The following ACOT11 variants were observed in gnomAD, a reference collection of about 807,000 sequenced individuals.
ACOT11 encodes the protein acyl-CoA thioesterase 11, also known as acyl-coenzyme A thioesterase 11.
In ACOT11, 69 loss-of-function variants were observed where a neutral mutation model predicts 77.5. The observed-to-expected ratio is 0.89, with a 90% CI of 0.73 to 1.09. The LOEUF is 1.09. Ranked by LOEUF, ACOT11 falls within the 50% of genes least tolerant of loss-of-function variation. ACOT11 has a pLI of 0.00. For missense variants in ACOT11, 766 were observed against 813.7 expected (o/e 0.94, Z 0.71); for synonymous variants, 279 against 313.0 (o/e 0.89, Z 1.15).
intron 1 of ACOT11, among the ~76,000 whole-genome samples, chr1:54,562,557 C>T (rs1377085142): frequency 5.7e-5 from 8 of 139,898 alleles, no homozygotes; most frequent in East Asian, 2.1e-4. Flanking sequence ...CCACCCCCCA[C>T]CTCCCTCCCG....
chr1:54,572,877 G>C, intron 1 of ACOT11: 1 of 966,550 alleles, frequency 1.0e-6, no homozygotes, highest in African/African-American at 1.8e-5. Flanking sequence ...TTCTGCACCT[G>C]AGAGAGGCCT....
exon 17 of ACOT11, chr1:54,635,731 T>C (rs761298210): frequency 2.6e-5 from 4 of 155,018 alleles, no homozygotes; most frequent in Non-Finnish European, 5.7e-5. Flanking sequence ...AGTCTGCAGA[T>C]GCGGATCCCG....
chr1:54,629,058 CAA>C (rs768933265), intron 15 of ACOT11, among the ~76,000 whole-genome samples: 12 of 36,016 alleles, frequency 3.3e-4, no homozygotes, highest in Middle Eastern at 0.021. Flanking sequence ...GACTCCGTCT[CAA>C]AAAAAAAAAA....
At position 54,610,133 on chromosome 1, in the gene ACOT11, G is replaced by A. The variant is rs1644100403; in HGVS notation, c.*1021G>A. Reference sequence around the variant, plus strand: ...TGTGCCTGGTGCATGAGAAACTCTTGTTTCAGCTCTTGGCCTTTACCCATG... The same window carrying A: ...TGTGCCTGGTGCATGAGAAACTCTTATTTCAGCTCTTGGCCTTTACCCATG... On this transcript the variant is annotated 3_prime_UTR_variant, in exon 16 of 16. Coordinates refer to ENST00000343744, the MANE Select transcript of ACOT11 (RefSeq NM_147161.4). 1 of 1,433,208 alleles carries A rather than the reference G, an allele frequency of 7.0e-7. No homozygotes were observed. Among genetic ancestry groups the A allele is most frequent in the East Asian group, 2.5e-5 (1 of 39,968 alleles). The allele number at this position is 1,433,208 out of a possible 1,614,324, so 88.8% of individuals were successfully genotyped here.
chr1:54,612,703 C>G, downstream of ACOT11: 2 of 1,613,020 alleles, frequency 1.2e-6, no homozygotes, highest in Non-Finnish European at 8.5e-7. Context: ...TGGACCAGGG[C>G]CAGGAACCTG....
chr1:54,632,419 G>A lies in ACOT11; in HGVS notation c.1782+1533G>A, dbSNP rs192787289. Among the ~76,000 whole-genome samples, 810 of 152,292 alleles carry A rather than the reference G, an allele frequency of 5.3e-3. 8 individuals are homozygous for A. Among genetic ancestry groups the A allele is most frequent in the African/African-American group, 0.019 (774 of 41,558 alleles). On this transcript the variant is annotated intron_variant, in intron 16 of 16. Transcript: ENST00000371316. ...GGACCCTTGCCAGTGGGTACAATAG[G>A]ATTACTTTTAGGAAGGTCTAGTGTA...
intron 1 of ACOT11, among the ~76,000 whole-genome samples, chr1:54,564,769 TC>T: frequency 6.6e-6 from 1 of 152,296 alleles, no homozygotes; most frequent in African/African-American, 2.4e-5. Flanking sequence ...TTCCCCAGCC[TC>T]AGCTTCCTCA....
At chr1:54,583,660 G>A (rs1420689496) in intron 1 of ACOT11, among the ~76,000 whole-genome samples, 2 of 152,010 alleles carry the variant, frequency 1.3e-5, no homozygotes, top group Non-Finnish European at 2.9e-5. Context: ...AGGATAATAA[G>A]GCATCTGTCT....
At position 54,608,019 on chromosome 1, in the gene ACOT11, C is replaced by G. The variant is rs755050569; in HGVS notation, c.1580C>G (p.Thr527Ser). 1.9e-6 allele frequency: 3 copies of G among 1,613,590 alleles called. No homozygotes were observed. The highest frequency in any genetic ancestry group is 2.5e-6 in the Non-Finnish European group (3 of 1,179,896). ...ACGCCAGAGTACAGACGCGGAGAGA[C>G]CCTCTGCTCAGGCTTCTGCCTCTGG... ...RETPEYRRGE[T>S]LCSGFCLWRE... Residue 527 changes from threonine to serine, a missense_variant, in exon 15 of 16, where the codon ACC (threonine) becomes AGC (serine). Physicochemically the swap from Thr to Ser is moderately conservative, Grantham distance 58 (BLOSUM62 1). Transcript: ENST00000343744.
chr1:54,573,847 T>C (rs1055090983), intron 1 of ACOT11, among the ~76,000 whole-genome samples: 1 of 151,784 alleles, frequency 6.6e-6, no homozygotes, highest in East Asian at 1.9e-4. Flanking sequence ...CTGATGAACA[T>C]GGTGAAAACC....
At chr1:54,560,064 G>A (rs553794627) in intron 1 of ACOT11, among the ~76,000 whole-genome samples, 6 of 152,324 alleles carry the variant, frequency 3.9e-5, no homozygotes, top group African/African-American at 1.4e-4. Flanking sequence ...GGTGACATTG[G>A]GGCAGTGACG....
In ACOT11 at chr1:54,601,753, C is replaced by T. The variant is rs116578672; in HGVS notation, c.1029+340C>T. Among the ~76,000 whole-genome samples the T allele has an allele frequency of 5.3e-3, 810 of 152,336 alleles. 10 individuals are homozygous for T. The highest frequency in any genetic ancestry group is 0.018 in the African/African-American group (746 of 41,570). The stretch of plus-strand genomic sequence containing the variant: ...CTCTACTACATTCAAGTGATGCCCC[C>T]TCGAGCTTTCAGTCTCCATTTGTAA... On this transcript the variant is annotated intron_variant, in intron 9 of 15. Transcript: ENST00000343744.
intron 15 of ACOT11, among the ~76,000 whole-genome samples, chr1:54,626,482 C>T (rs1448036151): frequency 1.4e-5 from 2 of 144,574 alleles, no homozygotes; most frequent in African/African-American, 4.9e-5. Flanking sequence ...TTAATTTCAT[C>T]CACTTGTCAC....
At chr1:54,587,138 C>T (rs893404545) in intron 3 of ACOT11, among the ~76,000 whole-genome samples, 2 of 152,344 alleles carry the variant, frequency 1.3e-5, no homozygotes, top group East Asian at 3.9e-4. Context: ...CACTGGAGCA[C>T]AGCCTCTTCC....
intron 15 of ACOT11, among the ~76,000 whole-genome samples, chr1:54,608,360 C>T (rs1175725610): frequency 6.6e-6 from 1 of 152,068 alleles, no homozygotes; most frequent in Non-Finnish European, 1.5e-5. Flanking sequence ...GATAGCCCTT[C>T]TCATCTAGGA....
chr1:54,585,469 G>C (rs997262154), intron 2 of ACOT11, among the ~76,000 whole-genome samples: 7 of 152,190 alleles, frequency 4.6e-5, no homozygotes, highest in Non-Finnish European at 7.3e-5. Context: ...GCTCCAGAAG[G>C]CCGGGAAGCA....
At chr1:54,627,667 T>C (rs1644278987) in intron 15 of ACOT11, among the ~76,000 whole-genome samples, 1 of 134,564 alleles carries the variant, frequency 7.4e-6, no homozygotes, top group African/African-American at 2.5e-5. Flanking sequence ...CCTGTAAGGA[T>C]GTCAGACATG....
At chr1:54,610,541 T>G (rs1644106966), downstream of ACOT11, 1 of 1,612,224 alleles carries the variant, frequency 6.2e-7, no homozygotes, top group South Asian at 1.1e-5. Flanking sequence ...TACATTGGTT[T>G]CCGTGTGGCA....
exon 17 of ACOT11, chr1:54,635,060 T>G: frequency 2.9e-6 from 1 of 348,628 alleles, no homozygotes. Flanking sequence ...TGCTTTCTGA[T>G]CTCAGTATTT....
Sources: allele counts gnomAD v4.1 joint callset (sites outside exome capture counted in the v4.1 genomes callset), GRCh38; gene constraint gnomAD v4.1.1; transcripts MANE v1.5; gene names NCBI Gene and HGNC (gene_info 2026-07-23, HGNC 2026-07-21).